GRID2: variants seen among roughly 807,000 people sequenced by gnomAD.
GRID2 encodes glutamate receptor ionotropic, delta-2.
In GRID2, 33 loss-of-function variants were observed where a neutral mutation model predicts 114.8. The observed-to-expected ratio is 0.29, with a 90% CI of 0.22 to 0.38. The LOEUF is 0.38. Among genes scored for constraint, GRID2 ranks in the 10% least tolerant of loss-of-function variants. The pLI is 1.00. For missense variants in GRID2, 1,184 were observed against 1,257.7 expected (o/e 0.94, Z 0.89); for synonymous variants, 505 against 449.9 (o/e 1.12, Z -1.55).
chr4:93,025,638 T>C (rs1242355229), intron 2 of GRID2, among the ~76,000 whole-genome samples: 2 of 151,786 alleles, frequency 1.3e-5, no homozygotes, highest in Non-Finnish European at 3.0e-5. Flanking sequence ...ATTATACTTT[T>C]AATGTTCCTA....
chr4:93,204,329 A>G (rs147915473), intron 4 of GRID2, among the ~76,000 whole-genome samples: 10 of 152,278 alleles, frequency 6.6e-5, no homozygotes, highest in Non-Finnish European at 1.0e-4. Flanking sequence ...TAAGACATAC[A>G]GGACTCATAC....
In GRID2 at chr4:92,484,226, C is replaced by T. The variant is rs568052679; in HGVS notation, c.89-105905C>T. Among the ~76,000 whole-genome samples, 22 of 152,224 alleles carry T rather than the reference C, an allele frequency of 1.4e-4. 1 individual carries two copies. The South Asian group carries it at 3.9e-3, about 27-fold the overall frequency. On this transcript the variant is annotated intron_variant, in intron 1 of 15. Transcript: ENST00000282020. ...CTACCCAAAGTCACAAAGATGGTATCTGACACAACTAGAGTTGGTTATTGA... is the reference window on the plus strand; with the variant it reads ...CTACCCAAAGTCACAAAGATGGTATTTGACACAACTAGAGTTGGTTATTGA...
At chr4:92,704,224 G>C (rs1734829648) in intron 2 of GRID2, among the ~76,000 whole-genome samples, 1 of 152,128 alleles carries the variant, frequency 6.6e-6, no homozygotes, top group Admixed American at 6.5e-5. Context: ...CTTGCAGTGA[G>C]CCGAGATCGC....
intron 10 of GRID2, among the ~76,000 whole-genome samples, chr4:93,445,054 T>A (rs949057829): frequency 6.6e-6 from 1 of 152,030 alleles, no homozygotes; most frequent in Non-Finnish European, 1.5e-5. Context: ...GTGACTAAAT[T>A]GTAGCCAATG....
At chr4:93,779,237 T>A (rs1377608791), downstream of GRID2, among the ~76,000 whole-genome samples, 3 of 151,328 alleles carry the variant, frequency 2.0e-5, no homozygotes, top group Non-Finnish European at 4.4e-5. Flanking sequence ...GTTTAGTACC[T>A]ATACAGGAAC....
At chr4:92,797,105 T>G (rs528543442) in intron 2 of GRID2, among the ~76,000 whole-genome samples, 1 of 152,056 alleles carries the variant, frequency 6.6e-6, no homozygotes, top group African/African-American at 2.4e-5. Context: ...TATCAAGTAG[T>G]TCAACTTTTT....
intron 13 of GRID2, among the ~76,000 whole-genome samples, chr4:93,526,271 G>A (rs1012224365): frequency 6.6e-6 from 1 of 152,108 alleles, no homozygotes; most frequent in African/African-American, 2.4e-5. Flanking sequence ...TTGTGAAGAA[G>A]GTGCCTGCTT....
intron 2 of GRID2, among the ~76,000 whole-genome samples, chr4:92,900,833 CAAAA>C (rs34089162): frequency 0.012 from 858 of 72,304 alleles, 3 homozygotes; most frequent in African/African-American, 0.018. Context: ...GACTTCGTCT[CAAAA>C]AAAAAAAAAA....
chr4:93,040,374 A>G (rs755018254), intron 2 of GRID2, among the ~76,000 whole-genome samples: 1 of 152,068 alleles, frequency 6.6e-6, no homozygotes, highest in Non-Finnish European at 1.5e-5. Context: ...ACAATTTGAG[A>G]TTTGAAAAGT....
chr4:92,948,033 T>TA (rs965755070), intron 2 of GRID2, among the ~76,000 whole-genome samples: 2 of 152,014 alleles, frequency 1.3e-5, no homozygotes, highest in African/African-American at 2.4e-5. Flanking sequence ...AATGGGAATT[T>TA]AAAAAAATTT....
chr4:93,344,893 G>T (rs1293517271), intron 8 of GRID2, among the ~76,000 whole-genome samples: 2 of 151,284 alleles, frequency 1.3e-5, no homozygotes, highest in Non-Finnish European at 2.9e-5. Flanking sequence ...TCTATGCCTA[G>T]CTTATTTCAC....
At chr4:93,282,056 A>C (rs2149587028) in intron 8 of GRID2, among the ~76,000 whole-genome samples, 1 of 152,140 alleles carries the variant, frequency 6.6e-6, no homozygotes, top group African/African-American at 2.4e-5. Flanking sequence ...AAAACAGAAG[A>C]AAAATGAGTT....
chr4:92,933,558 A>G (rs1327880195), intron 2 of GRID2, among the ~76,000 whole-genome samples: 1 of 151,546 alleles, frequency 6.6e-6, no homozygotes, highest in African/African-American at 2.4e-5. Context: ...AAGAAATGAT[A>G]AGCCATGCCA....
intron 1 of GRID2, among the ~76,000 whole-genome samples, chr4:92,486,590 C>A (rs1026528757): frequency 4.9e-5 from 7 of 143,266 alleles, no homozygotes; most frequent in Non-Finnish European, 7.7e-5. Flanking sequence ...CACACACACA[C>A]AAACACAGAT....
chr4:93,676,955 C>T (rs115011526), intron 14 of GRID2, among the ~76,000 whole-genome samples: 5,624 of 151,968 alleles, frequency 0.037, 343 homozygotes, highest in African/African-American at 0.13. Context: ...GCTCCATGCA[C>T]GAGCCGAAGC....
chr4:92,318,879 A>C (rs1726155601), intron 1 of GRID2, among the ~76,000 whole-genome samples: 1 of 152,138 alleles, frequency 6.6e-6, no homozygotes, highest in Non-Finnish European at 1.5e-5. Flanking sequence ...GCTACCATTT[A>C]GAACAGCATC....
At chr4:92,785,618 G>A (rs895879991) in intron 2 of GRID2, among the ~76,000 whole-genome samples, 2 of 151,604 alleles carry the variant, frequency 1.3e-5, no homozygotes, top group Non-Finnish European at 3.0e-5. Flanking sequence ...GTATTTCTTT[G>A]ATTAGTTAAA....
chr4:92,519,174 C>T (rs898627596), intron 1 of GRID2, among the ~76,000 whole-genome samples: 1 of 151,680 alleles, frequency 6.6e-6, no homozygotes, highest in Non-Finnish European at 1.5e-5. Context: ...TCAAATAATA[C>T]TCAATGGCAG....
At chr4:93,333,702 A>C (rs1758735728) in intron 8 of GRID2, among the ~76,000 whole-genome samples, 1 of 152,190 alleles carries the variant, frequency 6.6e-6, no homozygotes, top group Non-Finnish European at 1.5e-5. Flanking sequence ...TTCAGACTTA[A>C]CTTAGATCTT....
Sources: allele counts gnomAD v4.1 joint callset (sites outside exome capture counted in the v4.1 genomes callset), GRCh38; gene constraint gnomAD v4.1.1; transcripts MANE v1.5; gene names NCBI Gene and HGNC (gene_info 2026-07-23, HGNC 2026-07-21).